Variants in CEP131 observed in about 807,000 individuals in gnomAD.
CEP131 encodes centrosomal protein 131.
CEP131 carries 99 observed loss-of-function variants against 136.8 expected under a neutral mutation model. That is an observed-to-expected ratio of 0.72 (90% CI 0.62 to 0.86). The LOEUF is 0.86. Among genes scored for constraint, CEP131 ranks in the 40% least tolerant of loss-of-function variants. The pLI is 0.00. For missense variants in CEP131, 1,459 were observed against 1,463.0 expected (o/e 1.00, Z 0.04); for synonymous variants, 646 against 612.7 (o/e 1.05, Z -0.80).
In CEP131 at chr17:81,194,008, G is replaced by C. The variant is rs752744561; in HGVS notation, c.2239C>G (p.Arg747Gly). 1.3e-6 allele frequency: 2 copies of C among 1,559,114 alleles called. No individual in the cohort carries two copies. The highest frequency in any genetic ancestry group is 2.7e-5 in the African/African-American group (2 of 72,954). ...TGCTCCCGCAGCTCCTCGGCCTGGC[G>C]CAGGCAGCGCTGCGAGGCCCGCTCA... ...SDERASQRCL[R>G]QAEELREQLE... The change falls in exon 18 of 26, where the codon CGC becomes GGC. Residue 747 changes from arginine to glycine, a missense_variant. By Grantham distance (125) the Arg-to-Gly change is moderately radical. This residue lies in a region of CEP131 where 1,026 missense variants were observed against 964.2 expected (regional missense o/e 1.06). Transcript: ENST00000450824.
rs375482392 is a variant in CEP131, at chr17:81,195,987, G to T, written c.1900-36C>A. 1.2e-5 allele frequency: 18 copies of T among 1,564,306 alleles called. No homozygotes were observed. In the African/African-American group the frequency reaches 2.4e-4, roughly 21 times the overall value. Reference sequence around the variant, plus strand: ...GACCGGAGGTGAGGTGCTACACCAAGGCCCCAGCCCAGCAGGACCCCTGAT... The same window carrying T: ...GACCGGAGGTGAGGTGCTACACCAATGCCCCAGCCCAGCAGGACCCCTGAT... On this transcript the variant is annotated intron_variant, in intron 15 of 25. Transcript: ENST00000450824.
At chr17:81,204,977 A>G (rs972737546) in intron 5 of CEP131, among the ~76,000 whole-genome samples, 25 of 152,172 alleles carry the variant, frequency 1.6e-4, no homozygotes, top group African/African-American at 5.8e-4. Flanking sequence ...AAAACACTAA[A>G]TGGCCGGGCG....
intron 3 of CEP131, among the ~76,000 whole-genome samples, chr17:81,207,465 G>A (rs1436284078): frequency 2.0e-5 from 3 of 151,128 alleles, no homozygotes; most frequent in South Asian, 4.2e-4. Context: ...CAGTCACACC[G>A]ATCACAGTTT....
chr17:81,212,089 C>T (rs1452474729), intron 2 of CEP131, among the ~76,000 whole-genome samples: 2 of 151,532 alleles, frequency 1.3e-5, no homozygotes, highest in Non-Finnish European at 2.9e-5. Context: ...CCGAGGTGGG[C>T]GGATAATCTG....
chr17:81,199,202 T>C (rs1474773832), intron 10 of CEP131, among the ~76,000 whole-genome samples, 179 bp downstream of exon 10: 1 of 152,088 alleles, frequency 6.6e-6, no homozygotes, highest in Admixed American at 6.5e-5. Context: ...GACCATTTGA[T>C]TGTCAAGGTC....
At chr17:81,193,107 C>A (rs1159486168) in intron 18 of CEP131, among the ~76,000 whole-genome samples, 1 of 152,226 alleles carries the variant, frequency 6.6e-6, no homozygotes, top group Non-Finnish European at 1.5e-5. Context: ...GGCTGTGGAG[C>A]CGCGTCCAGG....
rs780199740 is a variant in CEP131 at position 81,197,033 on chromosome 17, G to A, written c.1670C>T (p.Pro557Leu). 2.0e-5 allele frequency: 32 copies of A among 1,589,892 alleles called. No homozygotes were observed. The Middle Eastern group carries it at 6.6e-4, about 33-fold the overall frequency. Reference sequence around the variant, plus strand: ...CTCGGACCCCAGCTCCAGGGGCCCCGGCCCCGCCTCCGGCACCCACCCCTG... The same window carrying A: ...CTCGGACCCCAGCTCCAGGGGCCCCAGCCCCGCCTCCGGCACCCACCCCTG... ...QQEGWVPEAG[P>L]GPLELGSEVS... The change falls in exon 14 of 26, where the codon CCG becomes CTG. Residue 557 changes from proline (P) to leucine (L), a missense_variant. Around this residue, in one of 3 missense-constraint regions of CEP131, gnomAD observed 1,026 missense variants for 964.2 expected, o/e 1.06. Coordinates refer to ENST00000450824, the MANE Select transcript of CEP131 (RefSeq NM_014984.4).
In CEP131 at chr17:81,192,468, T is replaced by A; in HGVS notation, c.2547+8A>T. 1 of 1,611,838 alleles carries A rather than the reference T, an allele frequency of 6.2e-7. No homozygotes were observed. The highest frequency in any genetic ancestry group is 8.5e-7 in the Non-Finnish European group (1 of 1,179,764). On this transcript the variant is annotated splice_region_variant and intron_variant, in intron 20 of 25. Coordinates refer to ENST00000450824, the MANE Select transcript of CEP131 (RefSeq NM_014984.4). The stretch of plus-strand genomic sequence containing the variant: ...GGCCAGGCCCAGCACAGCCCTCCGG[T>A]GGTAGACCTGGTGCCGGCGCTCCTG...
Position 81,192,357 on chromosome 17 carries a change from C to T in CEP131, c.2583G>A (p.Leu861=), listed in dbSNP as rs2279917. 8.3e-4 allele frequency: 1,325 copies of T among 1,589,258 alleles called. 14 individuals carry two copies. The East Asian group carries it at 0.022, about 26-fold the overall frequency. The change falls in exon 21 of 26, where the codon CTG becomes CTA. Residue 861 remains leucine, a synonymous_variant. Coordinates refer to ENST00000450824, the MANE Select transcript of CEP131 (RefSeq NM_014984.4). The part of the protein sequence containing the change: ...ELNTLKQQLE[L]ERQAWEAGRT... Reference sequence around the variant, plus strand: ...GGCCGGCCTCCCACGCCTGCCTCTCCAGCTCCAGCTGCTGCTTCAGGGTAT... The same window carrying T: ...GGCCGGCCTCCCACGCCTGCCTCTCTAGCTCCAGCTGCTGCTTCAGGGTAT...
At chr17:81,201,961 C>A (rs964407750) in intron 7 of CEP131, among the ~76,000 whole-genome samples, 1 of 152,006 alleles carries the variant, frequency 6.6e-6, no homozygotes, top group Non-Finnish European at 1.5e-5. Context: ...ATTAGCCAGG[C>A]GTGGTGGCGG....
In CEP131 at chr17:81,195,866, C is replaced by T. The variant is rs149897226; in HGVS notation, c.1985G>A (p.Arg662His). 43 of 1,607,524 alleles carry T rather than the reference C, an allele frequency of 2.7e-5. No individual in the cohort carries two copies. The highest frequency in any genetic ancestry group is 2.5e-4 in the East Asian group (11 of 44,882). ...LKQEDQRCTE[R>H]VAQAQAQHEL... is the part of the protein sequence containing the mutation. Reference sequence around the variant, plus strand: ...GTGCTGCGCCTGTGCCTGGGCCACACGCTCGGTGCATCTCTGGTCCTCCTG... The same window carrying T: ...GTGCTGCGCCTGTGCCTGGGCCACATGCTCGGTGCATCTCTGGTCCTCCTG... Residue 662 changes from arginine to histidine, a missense_variant, in exon 16 of 26, where the codon CGT (arginine) becomes CAT (histidine). Transcript: ENST00000450824.
Position 81,203,934 on chromosome 17 carries a change from G to A in CEP131, c.516-327C>T, listed in dbSNP as rs1053935895. 5 of 285,790 alleles carry A rather than the reference G, an allele frequency of 1.7e-5. No individual in the cohort carries two copies. Among genetic ancestry groups the A allele is most frequent in the East Asian group, 7.4e-5 (1 of 13,538 alleles). 17.7% of individuals were successfully genotyped at this position (285,790 alleles called of 1,614,324 possible). Reference sequence around the variant, plus strand: ...GCTTCCAGAGCAGACTCACAGAAGCGAAGCCCCATCCCACACGACGGATGG... The same window carrying A: ...GCTTCCAGAGCAGACTCACAGAAGCAAAGCCCCATCCCACACGACGGATGG... On this transcript the variant is annotated intron_variant, in intron 5 of 25. Coordinates refer to ENST00000450824, the MANE Select transcript of CEP131 (RefSeq NM_014984.4). This position sits in a 1 kb window ranked among gnomAD's most constrained non-coding sequence, Gnocchi z 4.6.
In CEP131 at chr17:81,189,932, G is replaced by C; in HGVS notation, c.3151C>G (p.Leu1051Val). Residue 1051 changes from leucine to valine, a missense_variant, in exon 25 of 26, where the codon CTC becomes GTC. Physicochemically the swap from Leu to Val is conservative, Grantham distance 32. This residue lies in a region of CEP131 where 1,026 missense variants were observed against 964.2 expected (regional missense o/e 1.06). Coordinates refer to ENST00000450824, the MANE Select transcript of CEP131 (RefSeq NM_014984.4). ...GGACTCACCTCATGTTGTGTCCGGAGGCTGCTCACGGCCTCCTCCTTCCTC... is the reference window on the plus strand; with the variant it reads ...GGACTCACCTCATGTTGTGTCCGGACGCTGCTCACGGCCTCCTCCTTCCTC... ...LARKEEAVSSLRTQHEAAVKR... is the reference protein window; with the variant it reads ...LARKEEAVSSVRTQHEAAVKR... 1 of 1,612,130 alleles carries C rather than the reference G, an allele frequency of 6.2e-7. No individual in the cohort carries two copies. The highest frequency in any genetic ancestry group is 8.5e-7 in the Non-Finnish European group (1 of 1,179,118).
At chr17:81,211,429 G>A (rs1240378313) in intron 2 of CEP131, among the ~76,000 whole-genome samples, 1 of 152,248 alleles carries the variant, frequency 6.6e-6, no homozygotes, top group East Asian at 1.9e-4. Context: ...CTGAAAAGGG[G>A]TCAGTGAGGA....
In CEP131 at chr17:81,207,253, A is replaced by T; in HGVS notation, c.273-14T>A. ...GGCTCCGTTGGCCTGCATCCGAGAG[A>T]GGGCGGCACACAAGGAAAGAGTCAC... On this transcript the variant is annotated splice_polypyrimidine_tract_variant and intron_variant, in intron 3 of 25. Transcript: ENST00000450824. 1 of 1,611,014 alleles carries T rather than the reference A, an allele frequency of 6.2e-7. No homozygotes were observed. The highest frequency in any genetic ancestry group is 8.5e-7 in the Non-Finnish European group (1 of 1,178,710).
At chr17:81,207,715 C>A (rs1268966296) in intron 3 of CEP131, among the ~76,000 whole-genome samples, 1 of 151,598 alleles carries the variant, frequency 6.6e-6, no homozygotes, top group Admixed American at 6.6e-5. Context: ...GAACCAAGAG[C>A]CACACCTGCT....
chr17:81,189,627 T>A lies in CEP131; in HGVS notation c.*142A>T, dbSNP rs894663203. ...ACAACGGCCTCCTTTACTGTTAAAA[T>A]GCAGCCACAGGTGCTTAGCCGTGGG... On this transcript the variant is annotated 3_prime_UTR_variant, in exon 26 of 26. Transcript: ENST00000450824. 5 of 812,180 alleles carry A rather than the reference T, an allele frequency of 6.2e-6. No individual in the cohort carries two copies. The highest frequency in any genetic ancestry group is 9.7e-6 in the Non-Finnish European group (5 of 515,798). The allele number at this position is 812,180 out of a possible 1,614,324, so 50.3% of individuals were successfully genotyped here. A position where few individuals can be genotyped will look rare whatever the true frequency, so the allele number is the denominator to read the frequency against.
Position 81,199,433 on chromosome 17 carries a change from C to T in CEP131, c.1140G>A (p.Leu380=). The T allele has an allele frequency of 6.2e-7, 1 of 1,607,634 alleles. No homozygotes were observed. The highest frequency in any genetic ancestry group is 8.5e-7 in the Non-Finnish European group (1 of 1,177,966). ...GGGCAGTGCCGCCTGGTGTGGGGGA[C>T]AGCTCCTGAGCAGGCTGCCGCATTC... ...VPGMRQPAQE[L]SPTPGGTAHQ... is the part of the protein sequence containing the mutation. The change falls in exon 10 of 26, where the codon CTG becomes CTA. Residue 380 remains leucine (L), a synonymous_variant. Coordinates refer to ENST00000450824, the MANE Select transcript of CEP131 (RefSeq NM_014984.4).
intron 8 of CEP131, 147 bp from the exon 9 acceptor site, chr17:81,199,982 TTGA>T: frequency 1.3e-6 from 1 of 785,184 alleles, no homozygotes; most frequent in Non-Finnish European, 2.1e-6. Context: ...CACCAGGACC[TTGA>T]ACCTGCCATT....
Sources: gnomAD v4.1 joint callset for allele counts (sites outside exome capture counted in the v4.1 genomes callset) on GRCh38, gnomAD v4.1.1 for gene constraint, gnomAD v4.1.1 regional missense constraint, Gnocchi (gnomAD v3.1) non-coding constraint, MANE v1.5 for transcripts, NCBI Gene and HGNC (gene_info 2026-07-23, HGNC 2026-07-21) for gene names.